Variants in NR5A2 observed in about 807,000 individuals in gnomAD.
The protein encoded by NR5A2 is CYP7A promoter-binding factor.
A neutral mutation model predicts 62.7 loss-of-function variants in NR5A2; 26 were observed. The ratio of observed to expected loss-of-function variants is 0.41; its 90% CI spans 0.30 to 0.58. The LOEUF is 0.58. NR5A2 is among the 20% of genes least tolerant of loss of function. The probability of loss-of-function intolerance (pLI) is 0.22; values close to 1 mark genes in which losing one functional copy is unlikely to be tolerated. For synonymous variants in NR5A2, 246 were observed against 241.7 expected (o/e 1.02, Z -0.16); for missense variants, 541 against 669.1 (o/e 0.81, Z 2.11).
At chr1:200,145,316 A>G (rs891314158) in intron 7 of NR5A2, among the ~76,000 whole-genome samples, 3 of 151,940 alleles carry the variant, frequency 2.0e-5, no homozygotes, top group Non-Finnish European at 4.4e-5. Flanking sequence ...TCAAAAAAAA[A>G]TTTTTTTTAG....
intron 5 of NR5A2, among the ~76,000 whole-genome samples, chr1:200,104,907 C>A (rs1665572787): frequency 6.6e-6 from 1 of 152,164 alleles, no homozygotes; most frequent in African/African-American, 2.4e-5. Context: ...AAGTAGTCTG[C>A]CTGCCTCGGC....
At chr1:200,138,907 G>A (rs1302669044) in intron 7 of NR5A2, among the ~76,000 whole-genome samples, 1 of 152,108 alleles carries the variant, frequency 6.6e-6, no homozygotes, top group Non-Finnish European at 1.5e-5. Flanking sequence ...TTTTCCACAT[G>A]AATTTTAGGT....
intron 5 of NR5A2, among the ~76,000 whole-genome samples, chr1:200,104,715 C>T (rs757327511): frequency 6.9e-4 from 105 of 152,110 alleles, no homozygotes; most frequent in Non-Finnish European, 1.1e-3. Context: ...CAGGCTGGAG[C>T]GCAGTGGCGC....
chr1:200,086,421 A>C, intron 5 of NR5A2, among the ~76,000 whole-genome samples: 1 of 151,904 alleles, frequency 6.6e-6, no homozygotes, highest in African/African-American at 2.4e-5. Context: ...CTCCTGCCTC[A>C]GCTTCCCGAG....
chr1:200,160,941 A>C (rs12078096), intron 7 of NR5A2, among the ~76,000 whole-genome samples: 7,268 of 151,984 alleles, frequency 0.048, 416 homozygotes, highest in African/African-American at 0.13. Context: ...ATGGAAATCA[A>C]ATACAAAGTG....
At chr1:200,088,697 A>G (rs1277717616) in intron 5 of NR5A2, among the ~76,000 whole-genome samples, 4 of 152,164 alleles carry the variant, frequency 2.6e-5, no homozygotes, top group Non-Finnish European at 4.4e-5. Context: ...TTTTCTCATC[A>G]TGACACCTTT....
intron 1 of NR5A2, among the ~76,000 whole-genome samples, chr1:200,037,818 A>G: frequency 6.6e-6 from 1 of 152,268 alleles, no homozygotes; most frequent in East Asian, 1.9e-4. Context: ...AAATCAATTA[A>G]GAGTCAGTAG....
intron 5 of NR5A2, among the ~76,000 whole-genome samples, chr1:200,049,429 C>T (rs1195256971): frequency 1.3e-5 from 2 of 152,126 alleles, no homozygotes; most frequent in Non-Finnish European, 2.9e-5. Flanking sequence ...TGCTAGTTTA[C>T]TTGGTTTGGG....
chr1:200,176,275 T>A lies in NR5A2; in HGVS notation c.*2065T>A, dbSNP rs919452739. ...GTATACCAAAGATATTAGTTATTAC[T>A]TCTGTGTGTACAAAGAGGATTATTT... On this transcript the variant is annotated 3_prime_UTR_variant, in exon 8 of 8. Transcript: ENST00000367362. 6.6e-6 allele frequency: 1 copy of A among 152,658 alleles called. No individual in the cohort carries two copies. Among genetic ancestry groups the A allele is most frequent in the Non-Finnish European group, 1.5e-5 (1 of 68,042 alleles). 9.5% of individuals were successfully genotyped at this position (152,658 alleles called of 1,614,324 possible).
intron 5 of NR5A2, among the ~76,000 whole-genome samples, chr1:200,084,576 T>C (rs1182673524): frequency 4.6e-5 from 7 of 152,168 alleles, no homozygotes; most frequent in Non-Finnish European, 1.0e-4. Flanking sequence ...AATAATATTT[T>C]CCATATTACA....
chr1:200,095,803 T>C (rs560899223), intron 5 of NR5A2, among the ~76,000 whole-genome samples: 49 of 152,110 alleles, frequency 3.2e-4, no homozygotes, highest in African/African-American at 6.3e-4. Context: ...CTGCCCGCCT[T>C]GGCCTCCCAA....
At chr1:200,129,640 A>T (rs1467341890) in intron 7 of NR5A2, among the ~76,000 whole-genome samples, 1 of 152,200 alleles carries the variant, frequency 6.6e-6, no homozygotes, top group African/African-American at 2.4e-5. Context: ...GGATGTTCTA[A>T]TTGTGCAGTG....
chr1:200,155,722 G>A (rs1041944916), intron 7 of NR5A2, among the ~76,000 whole-genome samples: 5 of 151,440 alleles, frequency 3.3e-5, no homozygotes, highest in East Asian at 3.9e-4. Context: ...CACCCAGGCT[G>A]GAGTGCAATG....
At chr1:200,073,671 T>C (rs1224649847) in intron 5 of NR5A2, among the ~76,000 whole-genome samples, 1 of 151,774 alleles carries the variant, frequency 6.6e-6, no homozygotes, top group Non-Finnish European at 1.5e-5. Flanking sequence ...CACAGATACG[T>C]AGGCCCCACT....
chr1:200,029,732 A>G, intron 1 of NR5A2: 1 of 152,218 alleles, frequency 6.6e-6, no homozygotes, highest in East Asian at 1.9e-4. Context: ...TTTGCCGGTA[A>G]AAGAGACCTC....
intron 5 of NR5A2, among the ~76,000 whole-genome samples, chr1:200,072,184 A>C (rs558192154): frequency 6.6e-6 from 1 of 152,212 alleles, no homozygotes; most frequent in African/African-American, 2.4e-5. Flanking sequence ...ATACTGGGAA[A>C]CCCTATTGGT....
intron 7 of NR5A2, among the ~76,000 whole-genome samples, chr1:200,156,867 G>T (rs1006707886): frequency 6.6e-6 from 1 of 152,180 alleles, no homozygotes; most frequent in African/African-American, 2.4e-5. Context: ...AGAAGGTTAG[G>T]TGTAGTAAAT....
At chr1:200,142,357 G>A (rs1464109602) in intron 7 of NR5A2, among the ~76,000 whole-genome samples, 12 of 151,378 alleles carry the variant, frequency 7.9e-5, no homozygotes, top group Admixed American at 7.2e-4. Context: ...CTGCCACCAC[G>A]CCCGGCTAAT....
At chr1:200,116,707 A>G (rs1666237568) in intron 6 of NR5A2, among the ~76,000 whole-genome samples, 1 of 152,246 alleles carries the variant, frequency 6.6e-6, no homozygotes, top group South Asian at 2.1e-4. Context: ...TTAAGCAAAA[A>G]GGAAATTATG....
Sources: allele counts gnomAD v4.1 joint callset (sites outside exome capture counted in the v4.1 genomes callset), GRCh38; gene constraint gnomAD v4.1.1; transcripts MANE v1.5; gene names NCBI Gene and HGNC (gene_info 2026-07-23, HGNC 2026-07-21).